The following BMPER variants were observed in gnomAD, a reference collection of about 807,000 sequenced individuals.
BMPER encodes the protein BMP binding endothelial regulator, also known as BMP-binding endothelial regulator protein.
A neutral mutation model predicts 87.3 loss-of-function variants in BMPER; 45 were observed. That is an observed-to-expected ratio of 0.52 (90% CI 0.41 to 0.66). BMPER has a LOEUF of 0.66. BMPER is among the 30% of genes least tolerant of loss of function. BMPER has a pLI of 0.00. For synonymous variants in BMPER, 326 were observed against 316.2 expected (o/e 1.03, Z -0.33); for missense variants, 784 against 867.5 (o/e 0.90, Z 1.21).
At chr7:34,094,789 G>T (rs62449755) in intron 13 of BMPER, among the ~76,000 whole-genome samples, 2 of 152,100 alleles carry the variant, frequency 1.3e-5, no homozygotes, top group African/African-American at 2.4e-5. Flanking sequence ...TCCAGATAAG[G>T]CACGTATCCA....
At chr7:34,143,472 G>A in intron 14 of BMPER, 112 bp downstream of exon 14, 1 of 1,502,456 alleles carries the variant, frequency 6.7e-7, no homozygotes, top group Non-Finnish European at 9.1e-7. Context: ...CCTTGCCAGA[G>A]GAAAATCCCT....
At chr7:33,911,030 C>T (rs1430074255) in intron 2 of BMPER, among the ~76,000 whole-genome samples, 1 of 152,144 alleles carries the variant, frequency 6.6e-6, no homozygotes, top group Non-Finnish European at 1.5e-5. Flanking sequence ...ATAAAGTAGA[C>T]CAGATGTGTT....
At chr7:33,994,658 T>A (rs1786350380) in intron 6 of BMPER, among the ~76,000 whole-genome samples, 1 of 152,218 alleles carries the variant, frequency 6.6e-6, no homozygotes, top group Admixed American at 6.5e-5. Context: ...TTTAAAAGTT[T>A]TGCCTTTGCT....
At chr7:34,080,080 T>C (rs1265358873) in intron 12 of BMPER, among the ~76,000 whole-genome samples, 1 of 152,228 alleles carries the variant, frequency 6.6e-6, no homozygotes, top group Non-Finnish European at 1.5e-5. Flanking sequence ...AGTTGGATAT[T>C]GCACTGCCTT....
At chr7:33,924,943 C>T (rs13233736) in intron 2 of BMPER, among the ~76,000 whole-genome samples, 82,909 of 151,974 alleles carry the variant, frequency 0.55, 23,089 homozygotes, top group Non-Finnish European at 0.59. Context: ...ATTACAGGCG[C>T]GAGCCACTGC....
chr7:34,126,872 A>G (rs1215674315), intron 13 of BMPER, among the ~76,000 whole-genome samples: 1 of 152,210 alleles, frequency 6.6e-6, no homozygotes, highest in Non-Finnish European at 1.5e-5. Flanking sequence ...CTTTTTTAAA[A>G]AAAATGTCCA....
At position 33,906,805 on chromosome 7, in the gene BMPER, C is replaced by T. The variant is rs1198462922; in HGVS notation, c.134-13C>T. On this transcript the variant is annotated splice_polypyrimidine_tract_variant and intron_variant, in intron 1 of 14. Transcript: ENST00000649409. The stretch of plus-strand genomic sequence containing the variant: ...TAACTTTAAATGAAACATTTTTCCC[C>T]CCTGAATTTCAGGTTCTGTTGCAAA... The T allele has an allele frequency of 1.9e-6, 3 of 1,607,776 alleles. No homozygotes were observed. The highest frequency in any genetic ancestry group is 1.3e-5 in the African/African-American group (1 of 74,728).
chr7:33,917,269 C>T (rs1174846726), intron 2 of BMPER, among the ~76,000 whole-genome samples: 1 of 152,132 alleles, frequency 6.6e-6, no homozygotes, highest in Admixed American at 6.5e-5. Context: ...TGACACAAGC[C>T]TTCATGTTTA....
intron 2 of BMPER, among the ~76,000 whole-genome samples, chr7:33,911,476 A>C (rs1189738131): frequency 1.3e-5 from 2 of 152,224 alleles, no homozygotes; most frequent in Non-Finnish European, 2.9e-5. Flanking sequence ...TTCAACCTGC[A>C]CAGAGCTAAT....
rs1366454939 is a variant in BMPER, at chr7:34,151,131, A to T, written c.1877-1961A>T. 2.0e-5 allele frequency among the ~76,000 whole-genome samples: 3 copies of T among 152,176 alleles called. No homozygotes were observed. The East Asian group carries it at 5.8e-4, about 29-fold the overall frequency. On this transcript the variant is annotated intron_variant, in intron 14 of 14. Coordinates refer to ENST00000649409, the MANE Select transcript of BMPER (RefSeq NM_001365308.1). ...ATGCATGAGGGAGCCTATTGATGTC[A>T]TCTGTAGAGAAGAGCAAGGGCACAG... is the stretch of plus-strand genomic sequence containing the variant.
intron 13 of BMPER, among the ~76,000 whole-genome samples, chr7:34,106,006 T>TG (rs1411476872): frequency 6.6e-6 from 1 of 152,096 alleles, no homozygotes; most frequent in Admixed American, 6.5e-5. Context: ...AAACAACACT[T>TG]GCGCCACACA....
chr7:34,125,675 T>C (rs1562759600), intron 13 of BMPER, among the ~76,000 whole-genome samples: 1 of 152,208 alleles, frequency 6.6e-6, no homozygotes, highest in Non-Finnish European at 1.5e-5. Context: ...CAGAGAGAAA[T>C]AAGCACATCC....
At chr7:34,120,937 T>C (rs1790250017) in intron 13 of BMPER, among the ~76,000 whole-genome samples, 1 of 152,060 alleles carries the variant, frequency 6.6e-6, no homozygotes, top group Non-Finnish European at 1.5e-5. Flanking sequence ...CACGTATAAT[T>C]CATGGATATA....
chr7:34,021,265 T>C (rs1218578513), intron 6 of BMPER, among the ~76,000 whole-genome samples: 3 of 152,042 alleles, frequency 2.0e-5, no homozygotes, highest in Non-Finnish European at 4.4e-5. Context: ...AAAATTTCCT[T>C]TATCTAATTG....
At chr7:34,022,935 G>A (rs970366591) in intron 6 of BMPER, among the ~76,000 whole-genome samples, 4 of 151,936 alleles carry the variant, frequency 2.6e-5, no homozygotes, top group Non-Finnish European at 5.9e-5. Context: ...AGGTTGACAC[G>A]TGATCTGAGG....
At chr7:33,995,127 C>A (rs1481591937) in intron 6 of BMPER, among the ~76,000 whole-genome samples, 1 of 151,986 alleles carries the variant, frequency 6.6e-6, no homozygotes, top group Non-Finnish European at 1.5e-5. Context: ...TGAATATTAT[C>A]ATAAATTATA....
rs538177251 is a variant in BMPER at position 34,087,537 on chromosome 7, A to G, written c.1745+1445A>G. Reference sequence around the variant, plus strand: ...TACTTATCTGTGAAGTGGGGATAATAAAAGAACCTACCTTGAAGAGTCGCC... The same window carrying G: ...TACTTATCTGTGAAGTGGGGATAATGAAAGAACCTACCTTGAAGAGTCGCC... On this transcript the variant is annotated intron_variant, in intron 13 of 14. Coordinates refer to ENST00000649409, the MANE Select transcript of BMPER (RefSeq NM_001365308.1). Among the ~76,000 whole-genome samples the G allele has an allele frequency of 2.0e-5, 3 of 151,972 alleles. No individual in the cohort carries two copies. In the East Asian group the frequency reaches 5.8e-4, roughly 29 times the overall value.
chr7:33,907,156 A>G (rs1403605821), intron 2 of BMPER, among the ~76,000 whole-genome samples: 1 of 152,086 alleles, frequency 6.6e-6, no homozygotes, highest in Admixed American at 6.5e-5. Flanking sequence ...TAGGCTTTGT[A>G]TGACGTCTCG....
intron 13 of BMPER, among the ~76,000 whole-genome samples, chr7:34,098,995 G>A (rs1004051154): frequency 5.3e-5 from 8 of 152,192 alleles, no homozygotes; most frequent in African/African-American, 9.7e-5. Context: ...GGCATTGATT[G>A]AACATGTGCG....
Sources: allele counts gnomAD v4.1 joint callset (sites outside exome capture counted in the v4.1 genomes callset), GRCh38; gene constraint gnomAD v4.1.1; transcripts MANE v1.5; gene names NCBI Gene and HGNC (gene_info 2026-07-23, HGNC 2026-07-21).